PDE8B: variants seen among roughly 807,000 people sequenced by gnomAD.
PDE8B encodes the protein phosphodiesterase 8B.
Under a neutral mutation model 101.3 loss-of-function variants are expected in PDE8B, and 26 were observed. The ratio of observed to expected loss-of-function variants is 0.26; its 90% CI spans 0.19 to 0.36. PDE8B has a LOEUF of 0.36. Ranked by LOEUF, PDE8B falls within the 10% of genes least tolerant of loss-of-function variation. The pLI, the probability that PDE8B is intolerant of heterozygous loss-of-function variation, is 1.00. For missense variants in PDE8B, 810 were observed against 1,163.1 expected, an observed-to-expected ratio of 0.70 and a Z score of 4.42; for synonymous variants, 424 against 429.3, an observed-to-expected ratio of 0.99 and a Z score of 0.15.
In PDE8B at chr5:77,332,343, A is replaced by G. The variant is rs527961639; in HGVS notation, c.708+884A>G. ...TAGGAGAATAATAGGATAGAGGACC[A>G]TGGTTTACTTATACAGCTTTTGCTG... On this transcript the variant is annotated intron_variant, in intron 5 of 21. Coordinates refer to ENST00000264917, the MANE Select transcript of PDE8B (RefSeq NM_003719.5). Among the ~76,000 whole-genome samples the G allele has an allele frequency of 9.8e-5, 15 of 152,358 alleles. No individual in the cohort carries two copies. The South Asian group carries it at 2.5e-3, about 25-fold the overall frequency.
intron 4 of PDE8B, 197 bp from the exon 5 acceptor site, chr5:77,331,204 GT>G: frequency 1.5e-6 from 1 of 687,894 alleles, no homozygotes; most frequent in East Asian, 2.6e-5. Flanking sequence ...TTTCTCTGCT[GT>G]TTTTGTTCTT....
At chr5:77,314,339 AT>A (rs1228330819) in intron 2 of PDE8B, among the ~76,000 whole-genome samples, 2 of 151,728 alleles carry the variant, frequency 1.3e-5, no homozygotes, top group African/African-American at 4.8e-5. Context: ...ACTTAGTCTC[AT>A]TTTTCAAGAT....
chr5:77,331,263 G>A lies in PDE8B; in HGVS notation c.651-139G>A, dbSNP rs560123143. The A allele has an allele frequency of 3.8e-4, 296 of 777,950 alleles. 1 individual carries two copies. The highest frequency in any genetic ancestry group is 1.4e-3 in the Middle Eastern group (4 of 2,924). 48.2% of individuals were successfully genotyped at this position (777,950 alleles called of 1,614,324 possible). ...GGGGTCTGTATCCTTGAAGGCAGGT[G>A]TGCCCCGTGGGCACGTGCTCGTCAG... is the stretch of plus-strand genomic sequence containing the variant. On this transcript the variant is annotated intron_variant, in intron 4 of 21. Coordinates refer to ENST00000264917, the MANE Select transcript of PDE8B (RefSeq NM_003719.5).
chr5:77,097,699 ATATATATC>A, the PDE8B span, among the ~76,000 whole-genome samples: 122 of 18,316 alleles, frequency 6.7e-3, 10 homozygotes, highest in Non-Finnish European at 0.011. Flanking sequence ...ATATCTATAT[ATATATATC>A]TATATATATA....
chr5:77,386,605 G>GT (rs1052008043), intron 10 of PDE8B, among the ~76,000 whole-genome samples: 1 of 151,674 alleles, frequency 6.6e-6, no homozygotes, highest in African/African-American at 2.4e-5. Context: ...GCAACCCCTG[G>GT]TTTTTTTGCT....
Position 77,349,467 on chromosome 5 carries a change from C to G in PDE8B, c.925C>G (p.Leu309Val). The G allele has an allele frequency of 6.2e-7, 1 of 1,614,108 alleles. No individual in the cohort carries two copies. The highest frequency in any genetic ancestry group is 8.5e-7 in the Non-Finnish European group (1 of 1,179,996). The change falls in exon 8 of 22, where the codon CTC becomes GTC. Residue 309 changes from leucine to valine, a missense_variant. Physicochemically the swap from Leu to Val is conservative, Grantham distance 32 (BLOSUM62 1). Transcript: ENST00000264917. ...ERMMGYHKGE[L>V]LGKELADLPK... Reference sequence around the variant, plus strand: ...GATGATGGGCTACCACAAAGGTGAGCTCCTGGGAAAAGAACTCGCTGATCT... The same window carrying G: ...GATGATGGGCTACCACAAAGGTGAGGTCCTGGGAAAAGAACTCGCTGATCT...
At chr5:77,282,408 G>T (rs1017871796) in intron 1 of PDE8B, among the ~76,000 whole-genome samples, 6 of 152,054 alleles carry the variant, frequency 3.9e-5, no homozygotes, top group African/African-American at 1.2e-4. Context: ...CCCACACTGC[G>T]CTGCCCCTTG....
At chr5:77,169,984 C>T in the PDE8B span, among the ~76,000 whole-genome samples, 1 of 152,182 alleles carries the variant, frequency 6.6e-6, no homozygotes, top group Non-Finnish European at 1.5e-5. Context: ...TATACGAAGA[C>T]ATGTTCCTGA....
At chr5:77,182,322 C>G in the PDE8B span, among the ~76,000 whole-genome samples, 1 of 151,538 alleles carries the variant, frequency 6.6e-6, no homozygotes, top group Non-Finnish European at 1.5e-5. Context: ...CCAATCTGTT[C>G]ATAGGGCTAC....
chr5:77,298,808 T>G (rs1769197535), intron 1 of PDE8B, among the ~76,000 whole-genome samples: 1 of 152,116 alleles, frequency 6.6e-6, no homozygotes, highest in Admixed American at 6.5e-5. Context: ...AGATTGGTGC[T>G]TCTCAAACCT....
the PDE8B span, among the ~76,000 whole-genome samples, chr5:77,123,356 T>G: frequency 6.9e-6 from 1 of 145,842 alleles, no homozygotes; most frequent in Non-Finnish European, 1.5e-5. Flanking sequence ...GTTGAATTCC[T>G]CCCCCACCGC....
At chr5:77,261,625 T>C (rs1760598966) in intron 1 of PDE8B, among the ~76,000 whole-genome samples, 1 of 152,220 alleles carries the variant, frequency 6.6e-6, no homozygotes. Flanking sequence ...CAGACACACC[T>C]TGTGCCTCAT....
chr5:77,225,845 C>T (rs1270349010), intron 1 of PDE8B, among the ~76,000 whole-genome samples: 12 of 117,664 alleles, frequency 1.0e-4, no homozygotes, highest in South Asian at 7.0e-4. Context: ...CCCACATGCG[C>T]GTGCACACAC....
chr5:77,236,416 G>A (rs1166163886), intron 1 of PDE8B, among the ~76,000 whole-genome samples: 1 of 152,224 alleles, frequency 6.6e-6, no homozygotes, highest in Admixed American at 6.5e-5. Context: ...AGAAGTTAGA[G>A]GCTGGGTTGA....
intron 20 of PDE8B, among the ~76,000 whole-genome samples, chr5:77,422,262 G>A (rs1463614353): frequency 1.3e-5 from 2 of 152,164 alleles, no homozygotes; most frequent in Non-Finnish European, 2.9e-5. Context: ...TCCAGAACTT[G>A]CACAAAAACC....
intron 1 of PDE8B, among the ~76,000 whole-genome samples, chr5:77,296,516 G>T (rs1294852137): frequency 6.6e-6 from 1 of 152,162 alleles, no homozygotes; most frequent in Non-Finnish European, 1.5e-5. Context: ...GGGATTATAA[G>T]TGTGAGCCAC....
chr5:77,172,064 C>A, the PDE8B span, among the ~76,000 whole-genome samples: 1 of 152,120 alleles, frequency 6.6e-6, no homozygotes, highest in African/African-American at 2.4e-5. Context: ...ATTCTAAACA[C>A]CCAACTTTTT....
the PDE8B span, among the ~76,000 whole-genome samples, chr5:77,192,737 A>C: frequency 6.6e-6 from 1 of 152,214 alleles, no homozygotes; most frequent in Non-Finnish European, 1.5e-5. Flanking sequence ...GTATGTTTTT[A>C]ATAAGAAAAT....
chr5:77,125,543 G>A, the PDE8B span, among the ~76,000 whole-genome samples: 1 of 152,132 alleles, frequency 6.6e-6, no homozygotes, highest in South Asian at 2.1e-4. Context: ...ATTTGCAAAA[G>A]CCAAAAGGCA....
Sources: allele counts gnomAD v4.1 joint callset (sites outside exome capture counted in the v4.1 genomes callset), GRCh38; gene constraint gnomAD v4.1.1; transcripts MANE v1.5; gene names NCBI Gene and HGNC (gene_info 2026-07-23, HGNC 2026-07-21).